GRID1: variants seen among roughly 807,000 people sequenced by gnomAD.
GRID1 encodes glutamate receptor ionotropic, delta-1.
A neutral mutation model predicts 98.0 loss-of-function variants in GRID1; 28 were observed. That is an observed-to-expected ratio of 0.29 (90% CI 0.21 to 0.39). The LOEUF (loss-of-function observed/expected upper bound fraction) is 0.39, where lower values mean the gene tolerates loss of function less well. GRID1 is among the 10% of genes least tolerant of loss of function. The probability of loss-of-function intolerance (pLI) is 1.00; values close to 1 mark genes in which losing one functional copy is unlikely to be tolerated. For missense variants in GRID1, 1,111 were observed against 1,340.5 expected, an observed-to-expected ratio of 0.83 and a Z score of 2.67; for synonymous variants, 553 against 538.5, an observed-to-expected ratio of 1.03 and a Z score of -0.37.
At chr10:85,653,736 T>C (rs1840859720) in intron 12 of GRID1, among the ~76,000 whole-genome samples, 1 of 152,008 alleles carries the variant, frequency 6.6e-6, no homozygotes, top group South Asian at 2.1e-4. Context: ...GGAGGGGAGA[T>C]GGTATTTTTA....
chr10:85,866,086 G>A (rs1244386704), intron 6 of GRID1, among the ~76,000 whole-genome samples: 2 of 149,610 alleles, frequency 1.3e-5, no homozygotes, highest in Non-Finnish European at 3.0e-5. Context: ...TCAATGAGCA[G>A]GGTCTTGTGG....
In GRID1 at chr10:85,602,794, G is replaced by C. The variant is rs1026310904; in HGVS notation, c.2602-93C>G. 26 of 903,274 alleles carry C rather than the reference G, an allele frequency of 2.9e-5. No homozygotes were observed. The African/African-American group carries it at 3.8e-4, about 13-fold the overall frequency. 56.0% of individuals were successfully genotyped at this position (903,274 alleles called of 1,614,324 possible). Reference sequence around the variant, plus strand: ...CTGGATGTCTGTAGTCACCAGGCCTGGTCAGCCTGTTGGGCTGTGGGCGAG... The same window carrying C: ...CTGGATGTCTGTAGTCACCAGGCCTCGTCAGCCTGTTGGGCTGTGGGCGAG... On this transcript the variant is annotated intron_variant, in intron 15 of 15. Coordinates refer to ENST00000327946, the MANE Select transcript of GRID1 (RefSeq NM_017551.3).
chr10:86,077,509 T>C (rs577503684), intron 4 of GRID1, among the ~76,000 whole-genome samples: 16 of 152,298 alleles, frequency 1.1e-4, no homozygotes, highest in East Asian at 5.8e-4. Context: ...CCTAGTGCAC[T>C]AGGGCTCCTC....
chr10:85,751,962 A>G (rs980492659), intron 8 of GRID1, among the ~76,000 whole-genome samples: 13 of 152,302 alleles, frequency 8.5e-5, no homozygotes, highest in African/African-American at 3.1e-4. Flanking sequence ...GAAAGTAACC[A>G]TCCCCATATT....
At chr10:85,885,313 T>C (rs961204317) in intron 5 of GRID1, among the ~76,000 whole-genome samples, 7 of 152,192 alleles carry the variant, frequency 4.6e-5, no homozygotes, top group Non-Finnish European at 1.0e-4. Context: ...GGATAAGATG[T>C]GATTTCCCCT....
At chr10:86,187,884 G>A (rs1845747953) in intron 3 of GRID1, among the ~76,000 whole-genome samples, 1 of 152,186 alleles carries the variant, frequency 6.6e-6, no homozygotes. Context: ...AGAGATGTCA[G>A]AGTCACAGGG....
chr10:86,008,152 C>T (rs981939254), intron 4 of GRID1, among the ~76,000 whole-genome samples: 12 of 152,186 alleles, frequency 7.9e-5, no homozygotes, highest in African/African-American at 2.9e-4. Context: ...AGAGCAATCC[C>T]TCCCCTGGAG....
intron 8 of GRID1, among the ~76,000 whole-genome samples, chr10:85,783,072 A>T (rs1486032693): frequency 6.6e-6 from 1 of 152,188 alleles, no homozygotes; most frequent in East Asian, 1.9e-4. Flanking sequence ...ACAAACAGGG[A>T]AATGCTATTC....
rs544134455 is a variant in GRID1 at position 86,209,183 on chromosome 10, A to C, written c.236-2535T>G. ...TAAAAGTGACTGCAATTTAGAAGAA[A>C]CCTGAAAGTGGTTTTCATTCTTTTC... On this transcript the variant is annotated intron_variant, in intron 2 of 15. Transcript: ENST00000327946. Among the ~76,000 whole-genome samples, 94 of 152,344 alleles carry C rather than the reference A, an allele frequency of 6.2e-4. 1 individual carries two copies. Among genetic ancestry groups the C allele is most frequent in the African/African-American group, 2.2e-3 (93 of 41,568 alleles).
At chr10:85,853,448 C>CGT (rs369169870) in intron 8 of GRID1, among the ~76,000 whole-genome samples, 10 of 152,042 alleles carry the variant, frequency 6.6e-5, no homozygotes, top group African/African-American at 1.7e-4. Context: ...GAAGTGTGTA[C>CGT]GTGTGTGTGT....
At chr10:86,330,300 C>G (rs1848120839) in intron 2 of GRID1, among the ~76,000 whole-genome samples, 1 of 152,196 alleles carries the variant, frequency 6.6e-6, no homozygotes, top group South Asian at 2.1e-4. Context: ...GGGCTCCTCT[C>G]CCCTCAAGCT....
intron 4 of GRID1, among the ~76,000 whole-genome samples, chr10:86,078,913 G>A (rs529235261): frequency 3.9e-5 from 6 of 152,344 alleles, no homozygotes; most frequent in Admixed American, 3.9e-4. Context: ...TAGACTCCCT[G>A]GACCCAGCTC....
intron 8 of GRID1, among the ~76,000 whole-genome samples, chr10:85,741,029 C>T (rs2132672902): frequency 6.6e-6 from 1 of 152,268 alleles, no homozygotes; most frequent in East Asian, 1.9e-4. Context: ...GCTGGGATTA[C>T]AGGTGAGCCA....
intron 4 of GRID1, among the ~76,000 whole-genome samples, chr10:86,116,331 C>T (rs1844578339): frequency 6.6e-6 from 1 of 152,078 alleles, no homozygotes; most frequent in Non-Finnish European, 1.5e-5. Flanking sequence ...GTGTTAAGGC[C>T]AAGGCACATC....
At chr10:86,034,900 T>TGGTGGATG (rs1554848256) in intron 4 of GRID1, among the ~76,000 whole-genome samples, 1 of 129,216 alleles carries the variant, frequency 7.7e-6, no homozygotes, top group African/African-American at 3.0e-5. Flanking sequence ...ATCAATGGAT[T>TGGTGGATG]GGTGGATGGA....
At chr10:85,606,473 A>G (rs922298996) in intron 15 of GRID1, 1 of 152,210 alleles carries the variant, frequency 6.6e-6, no homozygotes, top group Non-Finnish European at 1.5e-5. Flanking sequence ...TTGGTTATTT[A>G]ACTGAATAAG....
chr10:85,751,593 C>T (rs1269853288), intron 8 of GRID1, among the ~76,000 whole-genome samples: 1 of 152,004 alleles, frequency 6.6e-6, no homozygotes, highest in Non-Finnish European at 1.5e-5. Context: ...TCCCCAGTGG[C>T]TTTTGAGGGC....
intron 2 of GRID1, among the ~76,000 whole-genome samples, chr10:86,329,925 T>C (rs1228635934): frequency 6.6e-6 from 1 of 152,126 alleles, no homozygotes; most frequent in Non-Finnish European, 1.5e-5. Context: ...CCCCAGATAC[T>C]GACCACCACA....
At chr10:86,045,194 G>C (rs1287044941) in intron 4 of GRID1, among the ~76,000 whole-genome samples, 1 of 152,190 alleles carries the variant, frequency 6.6e-6, no homozygotes, top group Non-Finnish European at 1.5e-5. Context: ...TTTCACATGA[G>C]GAAACTGAGG....
Sources: gnomAD v4.1 joint callset for allele counts (sites outside exome capture counted in the v4.1 genomes callset) on GRCh38, gnomAD v4.1.1 for gene constraint, MANE v1.5 for transcripts, NCBI Gene and HGNC (gene_info 2026-07-23, HGNC 2026-07-21) for gene names.